GALNT10: variants seen among roughly 807,000 people sequenced by gnomAD.
GALNT10 encodes the protein GalNAc transferase 10.
Under a neutral mutation model 75.0 loss-of-function variants are expected in GALNT10, and 41 were observed. The ratio of observed to expected loss-of-function variants is 0.55; its 90% CI spans 0.43 to 0.71. GALNT10 has a LOEUF of 0.71. GALNT10 is among the 30% of genes least tolerant of loss of function. The pLI, the probability that GALNT10 is intolerant of heterozygous loss-of-function variation, is 0.00. For synonymous variants in GALNT10, 302 were observed against 313.0 expected, an observed-to-expected ratio of 0.96 and a Z score of 0.37; for missense variants, 727 against 818.5, an observed-to-expected ratio of 0.89 and a Z score of 1.36.
chr5:154,356,176 T>A (rs753025985), intron 4 of GALNT10: 1 of 456,280 alleles, frequency 2.2e-6, no homozygotes, highest in African/African-American at 2.0e-5. Context: ...ATCAACTCCC[T>A]CTCCCTTTGT....
At chr5:154,287,775 G>T (rs1754133535) in intron 1 of GALNT10, among the ~76,000 whole-genome samples, 1 of 152,134 alleles carries the variant, frequency 6.6e-6, no homozygotes, top group South Asian at 2.1e-4. Context: ...CAAAACTCAT[G>T]AAGAAAGTAC....
chr5:154,349,250 G>A (rs1357444644), intron 4 of GALNT10, among the ~76,000 whole-genome samples: 1 of 152,040 alleles, frequency 6.6e-6, no homozygotes, highest in African/African-American at 2.4e-5. Context: ...AGCAGTGATT[G>A]TCAGGAGGCT....
rs139833446 is a variant in GALNT10, at chr5:154,298,424, T to TAA, written c.401+352_401+353dup. Among the ~76,000 whole-genome samples, 2,349 of 152,216 alleles carry TAA rather than the reference T, an allele frequency of 0.015. 45 individuals carry two copies. Among genetic ancestry groups the TAA allele is most frequent in the African/African-American group, 0.053 (2,180 of 41,510 alleles). ...TCTGTGTGATGTTTTTATTTCTTTT[T>TAA]AAAAAAAATCTTTCTATATATTTGT... On this transcript the variant is annotated intron_variant, in intron 3 of 11. Transcript: ENST00000297107. This position sits in a 1 kb window ranked among gnomAD's most constrained non-coding sequence, Gnocchi z 4.1.
intron 9 of GALNT10, among the ~76,000 whole-genome samples, chr5:154,410,255 G>T (rs1485898816): frequency 1.3e-5 from 2 of 152,158 alleles, no homozygotes; most frequent in East Asian, 3.9e-4. Context: ...GAACTAAGGA[G>T]CCAGGCACAG....
At chr5:154,384,279 G>A (rs957049894) in intron 6 of GALNT10, among the ~76,000 whole-genome samples, 2 of 152,088 alleles carry the variant, frequency 1.3e-5, no homozygotes, top group Admixed American at 1.3e-4. Flanking sequence ...GTTTAGATGG[G>A]GAATAGGGCT....
At chr5:154,275,560 C>A (rs1414855839) in intron 1 of GALNT10, among the ~76,000 whole-genome samples, 1 of 152,218 alleles carries the variant, frequency 6.6e-6, no homozygotes, top group Non-Finnish European at 1.5e-5. Flanking sequence ...TTCTTCAAAT[C>A]TACAATTTGA....
chr5:154,315,226 TC>T (rs1478263982), intron 3 of GALNT10, among the ~76,000 whole-genome samples: 1 of 152,258 alleles, frequency 6.6e-6, no homozygotes, highest in African/African-American at 2.4e-5. Context: ...AGGACAGAAT[TC>T]CTTGGCTTCA....
chr5:154,380,281 A>C (rs1418357448), intron 5 of GALNT10, among the ~76,000 whole-genome samples, 167 bp from the exon 6 acceptor site: 1 of 152,104 alleles, frequency 6.6e-6, no homozygotes, highest in African/African-American at 2.4e-5. Context: ...CTGAGATGAG[A>C]GCCTCGGTCC....
intron 7 of GALNT10, among the ~76,000 whole-genome samples, chr5:154,390,603 C>T (rs1755879800): frequency 6.6e-6 from 1 of 152,110 alleles, no homozygotes; most frequent in African/African-American, 2.4e-5. Flanking sequence ...CTTTAGTTGA[C>T]AGCAGTTAAC....
At chr5:154,193,406 A>C (rs970949533) in intron 1 of GALNT10, among the ~76,000 whole-genome samples, 1 of 152,188 alleles carries the variant, frequency 6.6e-6, no homozygotes, top group Non-Finnish European at 1.5e-5. Flanking sequence ...GCTGGCCTTG[A>C]GGAAAGAGGC....
chr5:154,314,769 A>G (rs1407722422), intron 3 of GALNT10, among the ~76,000 whole-genome samples: 1 of 151,898 alleles, frequency 6.6e-6, no homozygotes, highest in Non-Finnish European at 1.5e-5. Context: ...ACCCCTTTCC[A>G]GAAGATGATT....
chr5:154,374,588 G>A (rs1467278610), intron 4 of GALNT10, among the ~76,000 whole-genome samples: 1 of 152,174 alleles, frequency 6.6e-6, no homozygotes, highest in Non-Finnish European at 1.5e-5. Context: ...CGGTTCAAGC[G>A]ATCCCCCCAC....
intron 4 of GALNT10, chr5:154,338,263 C>G: frequency 2.9e-6 from 2 of 697,002 alleles, no homozygotes; most frequent in South Asian, 1.5e-5. Flanking sequence ...ACCCACAGCC[C>G]CTGGAGTGCT....
rs150408683 is a variant in GALNT10 at position 154,380,727 on chromosome 5, A to G, written c.938+96A>G. On this transcript the variant is annotated intron_variant, in intron 6 of 11. Coordinates refer to ENST00000297107, the MANE Select transcript of GALNT10 (RefSeq NM_198321.4). ...GATCGCCATCTCCCTTAAAAGCCCA[A>G]TGCAGAGGGTCCAGCTTCCCAGCCC... 7.4e-3 allele frequency: 5,815 copies of G among 786,886 alleles called. 35 individuals are homozygous for G. Among genetic ancestry groups the G allele is most frequent in the Non-Finnish European group, 9.4e-3 (4,619 of 491,188 alleles). The allele number at this position is 786,886 out of a possible 1,614,324, so 48.7% of individuals were successfully genotyped here.
chr5:154,310,644 G>T (rs1166284169), intron 3 of GALNT10, among the ~76,000 whole-genome samples: 1 of 151,890 alleles, frequency 6.6e-6, no homozygotes, highest in East Asian at 1.9e-4. Context: ...GCTAATTTTT[G>T]TATTTGCAGC....
At chr5:154,331,054 C>T (rs2113119742) in intron 4 of GALNT10, among the ~76,000 whole-genome samples, 1 of 152,188 alleles carries the variant, frequency 6.6e-6, no homozygotes, top group South Asian at 2.1e-4. Context: ...TTCCTTACCA[C>T]TTATCACAGG....
At chr5:154,237,000 C>T (rs550433352) in intron 1 of GALNT10, among the ~76,000 whole-genome samples, 15 of 152,320 alleles carry the variant, frequency 9.8e-5, no homozygotes, top group African/African-American at 3.4e-4. Flanking sequence ...AATACCAAAA[C>T]CATTTTCCAT....
At chr5:154,235,510 C>T (rs1753232129) in intron 1 of GALNT10, among the ~76,000 whole-genome samples, 1 of 152,110 alleles carries the variant, frequency 6.6e-6, no homozygotes, top group Non-Finnish European at 1.5e-5. Context: ...AACAGGAGTT[C>T]TCAAACTGTT....
At chr5:154,212,582 A>G (rs1163666096) in intron 1 of GALNT10, among the ~76,000 whole-genome samples, 5 of 152,246 alleles carry the variant, frequency 3.3e-5, no homozygotes, top group Non-Finnish European at 5.9e-5. Context: ...TTCACAGATT[A>G]CAAACATAAG....
Sources: allele counts gnomAD v4.1 joint callset (sites outside exome capture counted in the v4.1 genomes callset), GRCh38; gene constraint gnomAD v4.1.1; non-coding constraint Gnocchi (gnomAD v3.1); transcripts MANE v1.5; gene names NCBI Gene and HGNC (gene_info 2026-07-23, HGNC 2026-07-21).